Variants in CORO1C observed in about 807,000 individuals in gnomAD.
The protein encoded by CORO1C is coronin-1C.
CORO1C carries 14 observed loss-of-function variants against 51.2 expected under a neutral mutation model. The observed-to-expected ratio is 0.27, with a 90% confidence interval of 0.18 to 0.43. The LOEUF is 0.43. Ranked by LOEUF, CORO1C falls within the 20% of genes least tolerant of loss-of-function variation. The pLI is 1.00. For missense variants in CORO1C, 417 were observed against 607.8 expected, an observed-to-expected ratio of 0.69 and a Z score of 3.30; for synonymous variants, 181 against 210.5, an observed-to-expected ratio of 0.86 and a Z score of 1.21.
At chr12:108,706,419 G>A (rs561477185) in intron 1 of CORO1C, among the ~76,000 whole-genome samples, 5 of 152,170 alleles carry the variant, frequency 3.3e-5, no homozygotes, top group Admixed American at 6.6e-5. Context: ...TGTAGTACAG[G>A]TTCTAGCCAA....
chr12:108,712,552 C>G, intron 1 of CORO1C, among the ~76,000 whole-genome samples: 1 of 77,606 alleles, frequency 1.3e-5, no homozygotes, highest in Non-Finnish European at 2.3e-5. Flanking sequence ...CCAGCCTGAA[C>G]AACAAGCGAA....
chr12:108,657,893 T>C (rs1382542051), intron 5 of CORO1C, among the ~76,000 whole-genome samples: 1 of 152,144 alleles, frequency 6.6e-6, no homozygotes, highest in East Asian at 1.9e-4. Flanking sequence ...AGATGTCGGG[T>C]GGAGAAAACA....
At chr12:108,665,041 G>A (rs1477997172) in intron 3 of CORO1C, among the ~76,000 whole-genome samples, 2 of 152,124 alleles carry the variant, frequency 1.3e-5, no homozygotes, top group Admixed American at 6.5e-5. Flanking sequence ...TGCAAGGACT[G>A]AAAACGCCTC....
intron 3 of CORO1C, chr12:108,668,604 T>C (rs2033588499): frequency 6.6e-6 from 1 of 152,166 alleles, no homozygotes; most frequent in Non-Finnish European, 1.5e-5. Flanking sequence ...AAGAATAAAC[T>C]GATTTGAGAG....
intron 1 of CORO1C, chr12:108,703,056 T>C (rs2034925040): frequency 3.6e-6 from 4 of 1,105,650 alleles, no homozygotes; most frequent in South Asian, 3.7e-5. Context: ...ACAGCTTCCA[T>C]GAGGTGGTGA....
At chr12:108,725,769 T>C (rs981962384) in intron 1 of CORO1C, among the ~76,000 whole-genome samples, 1 of 152,250 alleles carries the variant, frequency 6.6e-6, no homozygotes, top group Non-Finnish European at 1.5e-5. Context: ...GGCCAACTGG[T>C]TTCTCCTAAT....
chr12:108,646,218 C>CT lies in CORO1C; in HGVS notation c.*1184dup, dbSNP rs1406304273. 6.6e-6 allele frequency: 1 copy of CT among 152,316 alleles called. No homozygotes were observed. Among genetic ancestry groups the CT allele is most frequent in the African/African-American group, 2.4e-5 (1 of 41,444 alleles). The allele number at this position is 152,316 out of a possible 1,614,324, so 9.4% of individuals were successfully genotyped here. On this transcript the variant is annotated 3_prime_UTR_variant, in exon 11 of 11. Coordinates refer to ENST00000261401, the MANE Select transcript of CORO1C (RefSeq NM_014325.4). Reference sequence around the variant, plus strand: ...AAGGCAGGAAGGAAAGAAGGAATGGCTGGGGGAGCCCTGAGAGAGGTCGCA... The same window carrying CT: ...AAGGCAGGAAGGAAAGAAGGAATGGCTTGGGGGAGCCCTGAGAGAGGTCGCA...
At chr12:108,664,174 A>G (rs1340059796) in intron 3 of CORO1C, among the ~76,000 whole-genome samples, 1 of 152,264 alleles carries the variant, frequency 6.6e-6, no homozygotes, top group Non-Finnish European at 1.5e-5. Context: ...AAGTAAATTT[A>G]CCATCAGAAA....
At chr12:108,700,043 T>G (rs1388717884) in intron 2 of CORO1C, among the ~76,000 whole-genome samples, 2 of 152,156 alleles carry the variant, frequency 1.3e-5, no homozygotes, top group Non-Finnish European at 1.5e-5. Flanking sequence ...AACATCAACA[T>G]ACAATGGGAA....
intron 2 of CORO1C, among the ~76,000 whole-genome samples, chr12:108,679,171 A>T (rs1221673639): frequency 1.3e-5 from 1 of 77,854 alleles, no homozygotes; most frequent in Non-Finnish European, 4.1e-5. Context: ...TTAAAAAGTT[A>T]AAAAAAAAAA....
Position 108,658,661 on chromosome 12 carries a change from T to G in CORO1C, c.630+77A>C. 6.7e-7 allele frequency: 1 copy of G among 1,485,322 alleles called. No individual in the cohort carries two copies. Among genetic ancestry groups the G allele is most frequent in the Non-Finnish European group, 9.3e-7 (1 of 1,076,016 alleles). The allele number at this position is 1,485,322 out of a possible 1,614,324, so 92.0% of individuals were successfully genotyped here. A position where few individuals can be genotyped will look rare whatever the true frequency, so the allele number is the denominator to read the frequency against. On this transcript the variant is annotated intron_variant, in intron 5 of 10. Transcript: ENST00000261401. This position sits in a 1 kb window ranked among gnomAD's most constrained non-coding sequence, Gnocchi z 4.9. ...ACAGGGTCCCACTGACCAGTACCGCTGCCTGCCTTAAAAAGCAGAAAGCTC... is the reference window on the plus strand; with the variant it reads ...ACAGGGTCCCACTGACCAGTACCGCGGCCTGCCTTAAAAAGCAGAAAGCTC...
chr12:108,701,355 T>C, intron 1 of CORO1C, 32 bp from the exon 2 acceptor site: 7 of 1,613,674 alleles, frequency 4.3e-6, no homozygotes, highest in Non-Finnish European at 5.9e-6. Flanking sequence ...TATGTTAGAA[T>C]TATGCACCAA....
At chr12:108,708,607 G>T (rs568337465) in intron 1 of CORO1C, among the ~76,000 whole-genome samples, 1 of 151,788 alleles carries the variant, frequency 6.6e-6, no homozygotes, top group Non-Finnish European at 1.5e-5. Flanking sequence ...GATTACAGGC[G>T]CCTGCCACCA....
At chr12:108,728,911 G>T (rs1219775611) in intron 1 of CORO1C, among the ~76,000 whole-genome samples, 1 of 152,134 alleles carries the variant, frequency 6.6e-6, no homozygotes, top group Admixed American at 6.5e-5. Context: ...AGCTTAAGAG[G>T]TTTTATCACA....
At position 108,671,877 on chromosome 12, in the gene CORO1C, C is replaced by T. The variant is rs547980829; in HGVS notation, c.318+6395G>A. 3.9e-5 allele frequency among the ~76,000 whole-genome samples: 6 copies of T among 152,230 alleles called. No homozygotes were observed. The South Asian group carries it at 1.2e-3, about 32-fold the overall frequency. On this transcript the variant is annotated intron_variant, in intron 3 of 10. Coordinates refer to ENST00000261401, the MANE Select transcript of CORO1C (RefSeq NM_014325.4). The stretch of plus-strand genomic sequence containing the variant: ...TTCCAGGTCCAAGAGGTCCTCCCAC[C>T]TCAGGCTCCCAAGCAGCTGGGACCA...
At chr12:108,690,778 G>C (rs769020479) in intron 2 of CORO1C, among the ~76,000 whole-genome samples, 4 of 152,172 alleles carry the variant, frequency 2.6e-5, no homozygotes, top group Non-Finnish European at 5.9e-5. Context: ...CCCAAGATGA[G>C]GTAGAATCTA....
chr12:108,666,065 C>G (rs1160037082), intron 3 of CORO1C, among the ~76,000 whole-genome samples: 2 of 152,200 alleles, frequency 1.3e-5, no homozygotes, highest in African/African-American at 4.8e-5. Flanking sequence ...GCTAACCAAG[C>G]TTGGTCCACC....
At chr12:108,722,475 CAT>C (rs2035495103) in intron 1 of CORO1C, among the ~76,000 whole-genome samples, 1 of 152,184 alleles carries the variant, frequency 6.6e-6, no homozygotes. Flanking sequence ...GGGCATGGGG[CAT>C]GAGTCCTTAC....
intron 7 of CORO1C, among the ~76,000 whole-genome samples, chr12:108,653,344 A>G (rs553937472): frequency 6.6e-6 from 1 of 152,370 alleles, no homozygotes; most frequent in South Asian, 2.1e-4. Context: ...ACCTGTTAAC[A>G]TCTGCAGTAA....
Sources: gnomAD v4.1 joint callset for allele counts (sites outside exome capture counted in the v4.1 genomes callset) on GRCh38, gnomAD v4.1.1 for gene constraint, Gnocchi (gnomAD v3.1) non-coding constraint, MANE v1.5 for transcripts, NCBI Gene and HGNC (gene_info 2026-07-23, HGNC 2026-07-21) for gene names.